ACOT6: variants seen among roughly 807,000 people sequenced by gnomAD.
ACOT6 encodes acyl-coenzyme A thioesterase 6.
ACOT6 carries 14 observed loss-of-function variants against 12.3 expected under a neutral mutation model. That is an observed-to-expected ratio of 1.14 (90% CI 0.75 to 1.78). ACOT6 has a LOEUF of 1.78. Ranked by LOEUF, ACOT6 falls within the 40% of genes most tolerant of loss-of-function variation. The pLI is 0.00. For missense variants in ACOT6, 523 were observed against 551.8 expected (o/e 0.95, Z 0.52); for synonymous variants, 218 against 231.3 (o/e 0.94, Z 0.52).
intron 2 of ACOT6, 118 bp downstream of exon 2, chr14:73,617,310 C>T: frequency 1.4e-6 from 2 of 1,396,726 alleles, no homozygotes; most frequent in Non-Finnish European, 2.0e-6. Flanking sequence ...TACCAAGTCT[C>T]CTTCAAAGGT....
chr14:73,614,130 A>G (rs1158484926), intron 1 of ACOT6, among the ~76,000 whole-genome samples: 1 of 150,766 alleles, frequency 6.6e-6, no homozygotes, highest in Non-Finnish European at 1.5e-5. Context: ...GATATCAGGA[A>G]GTAGAGGTTG....
chr14:73,613,067 C>T, intron 1 of ACOT6, 35 bp downstream of exon 1: 1 of 585,368 alleles, frequency 1.7e-6, no homozygotes, highest in Non-Finnish European at 2.8e-6. Context: ...GCTCTGCGAC[C>T]CCCACCGGCC....
chr14:73,619,121 C>T (rs967828719), intron 2 of ACOT6, 113 bp from the exon 3 acceptor site: 1 of 1,354,300 alleles, frequency 7.4e-7, no homozygotes, highest in African/African-American at 1.5e-5. Context: ...CAGAGCGAGA[C>T]TCCATCTCAA....
At chr14:73,615,028 G>T (rs1369653551) in intron 1 of ACOT6, among the ~76,000 whole-genome samples, 1 of 149,266 alleles carries the variant, frequency 6.7e-6, no homozygotes, top group Non-Finnish European at 1.5e-5. Context: ...GGCAGAGGTT[G>T]CAGTGAGCCA....
rs1310004423 is a variant in ACOT6 at position 73,619,514 on chromosome 14, C to G, written c.941C>G (p.Ala314Gly). 1 of 1,614,094 alleles carries G rather than the reference C, an allele frequency of 6.2e-7. No homozygotes were observed. Among genetic ancestry groups the G allele is most frequent in the Non-Finnish European group, 8.5e-7 (1 of 1,180,052 alleles). ...NHQSLVPLEK[A>G]QVPFLFIVGM... Reference sequence around the variant, plus strand: ...CAAAGTCTTGTTCCATTGGAAAAGGCGCAGGTGCCCTTCTTGTTTATTGTT... The same window carrying G: ...CAAAGTCTTGTTCCATTGGAAAAGGGGCAGGTGCCCTTCTTGTTTATTGTT... Residue 314 changes from alanine to glycine, a missense_variant, in exon 3 of 3, where the codon GCG (alanine) becomes GGG (glycine). Ala to Gly is a moderately conservative substitution (Grantham distance 60). Transcript: ENST00000645972.
At position 73,615,399 on chromosome 14, in the gene ACOT6, AAAAAAAAACAAAAAAC is replaced by A. The variant is rs796789717; in HGVS notation, c.462-1585_462-1570del. Reference sequence around the variant, plus strand: ...GAGACTCTGTCTGATAAAAAAAAAAAAAAAAAAACAAAAAACAAAAAAAACCAGCAACAACGAAAAA... The same window carrying A: ...GAGACTCTGTCTGATAAAAAAAAAAAAAAAAAAACCAGCAACAACGAAAAA... On this transcript the variant is annotated intron_variant, in intron 1 of 2. Coordinates refer to ENST00000645972, the MANE Select transcript of ACOT6 (RefSeq NM_001365788.1). Among the ~76,000 whole-genome samples, 270 of 143,884 alleles carry A rather than the reference AAAAAAAAACAAAAAAC, an allele frequency of 1.9e-3. 6 individuals carry two copies. In the Middle Eastern group the frequency reaches 0.022, roughly 12 times the overall value. The allele number at this position is 143,884 out of a possible 152,430, so 94.4% of individuals were successfully genotyped here. A position where few individuals can be genotyped will look rare whatever the true frequency, so the allele number is the denominator to read the frequency against.
At position 73,619,356 on chromosome 14, in the gene ACOT6, A is replaced by G. The variant is rs370737791; in HGVS notation, c.783A>G (p.Thr261=). ...TTATCAATGCCTGTGTAGCCAACAC[A>G]GTAGCTCCTCTACATTACAAGGATA... The part of the protein sequence containing the change: ...TVLINACVAN[T]VAPLHYKDMI... The change falls in exon 3 of 3, where the codon ACA becomes ACG. Residue 261 remains threonine (T), a synonymous_variant. Transcript: ENST00000645972. 8.1e-6 allele frequency: 13 copies of G among 1,614,214 alleles called. No individual in the cohort carries two copies. In the African/African-American group the frequency reaches 1.3e-4, roughly 17 times the overall value.
chr14:73,613,984 GTTC>G, intron 1 of ACOT6, among the ~76,000 whole-genome samples: 3 of 132,818 alleles, frequency 2.3e-5, no homozygotes, highest in Non-Finnish European at 4.7e-5. Context: ...GAGCCCAGGA[GTTC>G]AAGACCAGCC....
At chr14:73,612,190 C>T (rs1040764134), upstream of ACOT6, among the ~76,000 whole-genome samples, 7 of 151,926 alleles carry the variant, frequency 4.6e-5, no homozygotes, top group Admixed American at 1.3e-4. Flanking sequence ...TACAGGCATG[C>T]GCCACCACAC....
chr14:73,611,292 A>G (rs1238962019), upstream of ACOT6, among the ~76,000 whole-genome samples: 1 of 152,178 alleles, frequency 6.6e-6, no homozygotes, highest in Admixed American at 6.5e-5. Context: ...CATTAGCAAG[A>G]TACTGAAAAA....
In ACOT6 at chr14:73,614,819, G is replaced by A. The variant is rs142776701; in HGVS notation, c.461+1787G>A. 6.7e-5 allele frequency among the ~76,000 whole-genome samples: 10 copies of A among 149,116 alleles called. No homozygotes were observed. In the East Asian group the frequency reaches 1.0e-3, roughly 15 times the overall value. On this transcript the variant is annotated intron_variant, in intron 1 of 2. Transcript: ENST00000645972. ...TTTCATTAAAAACAAACAAGGAGCC[G>A]GGCGCAGTGGCTCACGCCTGTAATC... is the stretch of plus-strand genomic sequence containing the variant.
chr14:73,612,443 C>A (rs115621183), upstream of ACOT6: 1 of 592,904 alleles, frequency 1.7e-6, no homozygotes, highest in Admixed American at 4.4e-5. Flanking sequence ...TGGAGCCTGT[C>A]CCCAAGTCCA....
chr14:73,613,164 G>T, intron 1 of ACOT6, 132 bp downstream of exon 1: 1 of 460,916 alleles, frequency 2.2e-6, no homozygotes, highest in South Asian at 4.7e-5. Flanking sequence ...TCTGAGTCTG[G>T]GCGTCCGCTG....
At position 73,612,558 on chromosome 14, in the gene ACOT6, C is replaced by T. The variant is rs1275526952; in HGVS notation, c.-14C>T. 1.8e-5 allele frequency: 25 copies of T among 1,357,992 alleles called. No homozygotes were observed. The highest frequency in any genetic ancestry group is 2.2e-5 in the Non-Finnish European group (23 of 1,043,100). 84.1% of individuals were successfully genotyped at this position (1,357,992 alleles called of 1,614,324 possible). A position where few individuals can be genotyped will look rare whatever the true frequency, so the allele number is the denominator to read the frequency against. On this transcript the variant is annotated 5_prime_UTR_variant, in exon 1 of 3. Coordinates refer to ENST00000645972, the MANE Select transcript of ACOT6 (RefSeq NM_001365788.1). ...TCCGCGGAGCTGGGTCGCCCCTGTT[C>T]TACCCAGATTGGGATGGCAGCGACG...
Position 73,612,811 on chromosome 14 carries a change from G to A in ACOT6, c.240G>A (p.Leu80=). ...GSFAGLQPMG[L]LWALEPEKAL... ...TCGCGGGGCTCCAGCCCATGGGGCTGCTGTGGGCGTTGGAGCCCGAGAAAG... is the reference window on the plus strand; with the variant it reads ...TCGCGGGGCTCCAGCCCATGGGGCTACTGTGGGCGTTGGAGCCCGAGAAAG... The change falls in exon 1 of 3, where the codon CTG becomes CTA. Residue 80 remains leucine, a synonymous_variant. Coordinates refer to ENST00000645972, the MANE Select transcript of ACOT6 (RefSeq NM_001365788.1). The A allele has an allele frequency of 7.0e-7, 1 of 1,424,622 alleles. No individual in the cohort carries two copies. 88.2% of individuals were successfully genotyped at this position (1,424,622 alleles called of 1,614,324 possible). A position where few individuals can be genotyped will look rare whatever the true frequency, so the allele number is the denominator to read the frequency against.
chr14:73,619,002 C>T (rs1043270450), intron 2 of ACOT6, among the ~76,000 whole-genome samples: 11 of 151,830 alleles, frequency 7.2e-5, no homozygotes, highest in African/African-American at 2.2e-4. Flanking sequence ...TGGTGGTGGG[C>T]GCCTGTAATC....
At position 73,612,585 on chromosome 14, in the gene ACOT6, T is replaced by C; in HGVS notation, c.14T>C (p.Leu5Pro). MAATLILEPAGRCCW... is the reference protein window; with the variant it reads MAATPILEPAGRCCW... Reference sequence around the variant, plus strand: ...ACCCAGATTGGGATGGCAGCGACGCTGATCCTGGAGCCCGCGGGCCGCTGC... The same window carrying C: ...ACCCAGATTGGGATGGCAGCGACGCCGATCCTGGAGCCCGCGGGCCGCTGC... The change falls in exon 1 of 3, where the codon CTG (leucine) becomes CCG (proline). Residue 5 changes from leucine to proline, a missense_variant. By Grantham distance (98) the Leu-to-Pro change is moderately conservative. Coordinates refer to ENST00000645972, the MANE Select transcript of ACOT6 (RefSeq NM_001365788.1). The C allele has an allele frequency of 7.1e-7, 1 of 1,407,310 alleles. No individual in the cohort carries two copies. Among genetic ancestry groups the C allele is most frequent in the Non-Finnish European group, 9.3e-7 (1 of 1,072,988 alleles). 87.2% of individuals were successfully genotyped at this position (1,407,310 alleles called of 1,614,324 possible). A position where few individuals can be genotyped will look rare whatever the true frequency, so the allele number is the denominator to read the frequency against.
rs1239251490 is a variant in ACOT6, at chr14:73,619,460, G to C, written c.887G>C (p.Trp296Ser). 17 of 1,614,046 alleles carry C rather than the reference G, an allele frequency of 1.1e-5. No individual in the cohort carries two copies. The highest frequency in any genetic ancestry group is 1.3e-5 in the African/African-American group (1 of 74,924). ...GGATTTCTCACTTTTATGGACACTT[G>C]GAGCAATCCACTGGAGGAACACAAT... is the stretch of plus-strand genomic sequence containing the variant. ...KSGFLTFMDT[W>S]SNPLEEHNHQ... Residue 296 changes from tryptophan to serine, a missense_variant, in exon 3 of 3, where the codon TGG becomes TCG. Trp to Ser is a radical substitution (Grantham distance 177). Around this residue, in one of 2 missense-constraint regions of ACOT6, gnomAD observed 219 missense variants for 277.0 expected, o/e 0.79. Coordinates refer to ENST00000645972, the MANE Select transcript of ACOT6 (RefSeq NM_001365788.1).
In ACOT6 at chr14:73,619,514, C is replaced by T. The variant is rs1310004423; in HGVS notation, c.941C>T (p.Ala314Val). The change falls in exon 3 of 3, where the codon GCG (alanine) becomes GTG (valine). Residue 314 changes from alanine to valine, a missense_variant. Ala to Val is a moderately conservative substitution (Grantham distance 64, BLOSUM62 0). Coordinates refer to ENST00000645972, the MANE Select transcript of ACOT6 (RefSeq NM_001365788.1). Reference protein sequence around the residue: ...NHQSLVPLEKAQVPFLFIVGM... With the variant: ...NHQSLVPLEKVQVPFLFIVGM... ...CAAAGTCTTGTTCCATTGGAAAAGGCGCAGGTGCCCTTCTTGTTTATTGTT... is the reference window on the plus strand; with the variant it reads ...CAAAGTCTTGTTCCATTGGAAAAGGTGCAGGTGCCCTTCTTGTTTATTGTT... 9.9e-6 allele frequency: 16 copies of T among 1,614,094 alleles called. No homozygotes were observed. The highest frequency in any genetic ancestry group is 2.7e-5 in the African/African-American group (2 of 74,916).
Sources: gnomAD v4.1 joint callset for allele counts (sites outside exome capture counted in the v4.1 genomes callset) on GRCh38, gnomAD v4.1.1 for gene constraint, gnomAD v4.1.1 regional missense constraint, MANE v1.5 for transcripts, NCBI Gene and HGNC (gene_info 2026-07-23, HGNC 2026-07-21) for gene names.